Variants in TAFA1 observed in about 807,000 individuals in gnomAD.
TAFA1 encodes the protein chemokine-like protein TAFA-1.
Under a neutral mutation model 18.5 loss-of-function variants are expected in TAFA1, and 4 were observed. The ratio of observed to expected loss-of-function variants is 0.22; its 90% confidence interval spans 0.11 to 0.49. The LOEUF (loss-of-function observed/expected upper bound fraction) is 0.49, where lower values mean the gene tolerates loss of function less well. Ranked by LOEUF, TAFA1 falls within the 20% of genes least tolerant of loss-of-function variation. The probability of loss-of-function intolerance (pLI) is 0.98; values close to 1 mark genes in which losing one functional copy is unlikely to be tolerated. For missense variants in TAFA1, 147 were observed against 169.0 expected (o/e 0.87, Z 0.72); for synonymous variants, 56 against 55.2 (o/e 1.01, Z -0.06).
chr3:68,245,650 A>G (rs1028780644), intron 2 of TAFA1, among the ~76,000 whole-genome samples: 2 of 152,196 alleles, frequency 1.3e-5, no homozygotes, highest in African/African-American at 4.8e-5. Context: ...ACCTTTAGCA[A>G]ATAGAAAATG....
At chr3:68,526,176 T>A (rs1344262963) in intron 3 of TAFA1, among the ~76,000 whole-genome samples, 2 of 152,220 alleles carry the variant, frequency 1.3e-5, no homozygotes, top group African/African-American at 4.8e-5. Flanking sequence ...GTCTAAAGTT[T>A]CCATCAATGC....
intron 2 of TAFA1, among the ~76,000 whole-genome samples, chr3:68,144,798 G>A (rs1181191656): frequency 2.0e-5 from 3 of 151,994 alleles, no homozygotes; most frequent in African/African-American, 7.3e-5. Context: ...TCAACTTAGG[G>A]TCAAATCCCA....
chr3:68,121,202 A>G (rs1007514527), intron 2 of TAFA1, among the ~76,000 whole-genome samples: 1 of 146,874 alleles, frequency 6.8e-6, no homozygotes, highest in Admixed American at 6.9e-5. Context: ...TCTTATTCTA[A>G]TTATTCACAG....
At chr3:68,179,293 G>A (rs2066166689) in intron 2 of TAFA1, among the ~76,000 whole-genome samples, 1 of 152,116 alleles carries the variant, frequency 6.6e-6, no homozygotes, top group African/African-American at 2.4e-5. Flanking sequence ...TCTTTCCTCT[G>A]TATGTAGAAA....
chr3:68,205,282 C>A (rs1277326309), intron 2 of TAFA1, among the ~76,000 whole-genome samples: 1 of 151,964 alleles, frequency 6.6e-6, no homozygotes, highest in East Asian at 2.0e-4. Context: ...GCACTGAGGT[C>A]CTGGTTATGT....
At chr3:68,078,296 C>A (rs2106766716) in intron 2 of TAFA1, among the ~76,000 whole-genome samples, 1 of 151,498 alleles carries the variant, frequency 6.6e-6, no homozygotes, top group East Asian at 1.9e-4. Flanking sequence ...ATTGAATACC[C>A]TTTATTTCCT....
intron 2 of TAFA1, among the ~76,000 whole-genome samples, chr3:68,342,239 G>A (rs1656519463): frequency 6.6e-6 from 1 of 152,306 alleles, no homozygotes; most frequent in Middle Eastern, 3.4e-3. Flanking sequence ...ATCCAAACCA[G>A]TTTGGAAGTA....
chr3:68,382,600 C>A (rs1638923851), intron 2 of TAFA1, among the ~76,000 whole-genome samples: 1 of 151,964 alleles, frequency 6.6e-6, no homozygotes, highest in African/African-American at 2.4e-5. Context: ...GTAGTAGTAC[C>A]ATGCTGTTTT....
rs185280761 is a variant in TAFA1 at position 68,225,570 on chromosome 3, A to G, written c.119-191710A>G. Among the ~76,000 whole-genome samples, 1,283 of 152,208 alleles carry G rather than the reference A, an allele frequency of 8.4e-3. 18 individuals are homozygous for G. The highest frequency in any genetic ancestry group is 0.029 in the African/African-American group (1,218 of 41,510). On this transcript the variant is annotated intron_variant, in intron 2 of 4. Transcript: ENST00000478136. ...GGTGTGGATACTGATAGTCGTAGGA[A>G]ATATGTATTTCCTGAGCACTTACTA...
chr3:68,521,738 A>G (rs1052594478), intron 3 of TAFA1, among the ~76,000 whole-genome samples: 7 of 152,132 alleles, frequency 4.6e-5, no homozygotes, highest in Non-Finnish European at 8.8e-5. Flanking sequence ...AATGACACAG[A>G]ACTCATAAGG....
At chr3:68,367,416 G>A (rs1049788952) in intron 2 of TAFA1, among the ~76,000 whole-genome samples, 1 of 152,118 alleles carries the variant, frequency 6.6e-6, no homozygotes, top group Admixed American at 6.6e-5. Flanking sequence ...GGAAACAAAG[G>A]TTAGGTCAAA....
chr3:68,271,740 A>T (rs9809761), intron 2 of TAFA1, among the ~76,000 whole-genome samples: 12,974 of 151,848 alleles, frequency 0.085, 668 homozygotes, highest in African/African-American at 0.14. Flanking sequence ...AACATTTGGA[A>T]AACATCCACC....
chr3:68,169,916 G>A (rs1028787479), intron 2 of TAFA1, among the ~76,000 whole-genome samples: 2 of 152,244 alleles, frequency 1.3e-5, no homozygotes, highest in South Asian at 4.1e-4. Flanking sequence ...AGAGATATTG[G>A]CAGTTTAGAA....
intron 2 of TAFA1, among the ~76,000 whole-genome samples, chr3:68,407,296 T>G (rs925125041): frequency 6.6e-6 from 1 of 152,150 alleles, no homozygotes; most frequent in Non-Finnish European, 1.5e-5. Flanking sequence ...TGTATTTATT[T>G]AATTCTTATA....
At chr3:68,244,356 AT>A (rs201685291) in intron 2 of TAFA1, among the ~76,000 whole-genome samples, 4 of 151,628 alleles carry the variant, frequency 2.6e-5, no homozygotes, top group Admixed American at 1.3e-4. Flanking sequence ...AAGATCTCCT[AT>A]TTTTTTTCTA....
intron 3 of TAFA1, among the ~76,000 whole-genome samples, chr3:68,438,228 C>T (rs1265414532): frequency 6.6e-6 from 1 of 152,012 alleles, no homozygotes; most frequent in Non-Finnish European, 1.5e-5. Context: ...TCTGGTGGCA[C>T]ATGTCAATAG....
At chr3:68,036,704 G>T (rs961433093) in intron 2 of TAFA1, among the ~76,000 whole-genome samples, 1 of 152,036 alleles carries the variant, frequency 6.6e-6, no homozygotes, top group Non-Finnish European at 1.5e-5. Context: ...TACTGGTGAA[G>T]GTGGGTCCCT....
chr3:68,156,448 T>C (rs1017012023), intron 2 of TAFA1, among the ~76,000 whole-genome samples: 6 of 152,154 alleles, frequency 3.9e-5, no homozygotes, highest in African/African-American at 1.2e-4. Context: ...CTGCTTCTTA[T>C]TAAGTGAGAT....
intron 2 of TAFA1, among the ~76,000 whole-genome samples, chr3:68,210,613 A>G (rs113037224): frequency 1.3e-5 from 2 of 152,140 alleles, no homozygotes; most frequent in African/African-American, 2.4e-5. Context: ...TAAATATTCA[A>G]CAGTCTTTTG....
Sources: gnomAD v4.1 joint callset for allele counts (sites outside exome capture counted in the v4.1 genomes callset) on GRCh38, gnomAD v4.1.1 for gene constraint, MANE v1.5 for transcripts, NCBI Gene and HGNC (gene_info 2026-07-23, HGNC 2026-07-21) for gene names.